The following RABEP1 variants were observed in gnomAD, a reference collection of about 807,000 sequenced individuals.
The protein encoded by RABEP1 is rab GTPase-binding effector protein 1.
Under a neutral mutation model 123.4 loss-of-function variants are expected in RABEP1, and 51 were observed. The observed-to-expected ratio is 0.41, with a 90% CI of 0.33 to 0.52. The LOEUF is 0.52. Ranked by LOEUF, RABEP1 falls within the 20% of genes least tolerant of loss-of-function variation. RABEP1 has a pLI of 0.16. For missense variants in RABEP1, 888 were observed against 996.3 expected (o/e 0.89, Z 1.46); for synonymous variants, 347 against 355.2 (o/e 0.98, Z 0.26).
chr17:5,382,862 G>A (rs1458562064), intron 17 of RABEP1, among the ~76,000 whole-genome samples: 1 of 151,772 alleles, frequency 6.6e-6, no homozygotes, highest in Non-Finnish European at 1.5e-5. Context: ...GGAGACTACA[G>A]TGAGCCGAGA....
intron 13 of RABEP1, among the ~76,000 whole-genome samples, chr17:5,374,831 A>G (rs949915808): frequency 6.6e-6 from 1 of 152,020 alleles, no homozygotes; most frequent in East Asian, 1.9e-4. Context: ...TTTAGTAGAG[A>G]TGGGGTTTCA....
intron 1 of RABEP1, among the ~76,000 whole-genome samples, chr17:5,291,387 G>T (rs887747906): frequency 6.6e-6 from 1 of 152,108 alleles, no homozygotes; most frequent in Non-Finnish European, 1.5e-5. Flanking sequence ...ACTCCAGCCC[G>T]GGCGACAGTG....
intron 4 of RABEP1, among the ~76,000 whole-genome samples, chr17:5,336,946 C>G (rs1180603284): frequency 1.3e-5 from 2 of 152,156 alleles, no homozygotes; most frequent in Admixed American, 6.5e-5. Context: ...CTATCGTGCA[C>G]AACTTAGTAT....
chr17:5,343,193 G>A (rs758128224), intron 5 of RABEP1, among the ~76,000 whole-genome samples: 1 of 152,048 alleles, frequency 6.6e-6, no homozygotes, highest in Non-Finnish European at 1.5e-5. Context: ...CGGAGGTTGC[G>A]GGGAGCCAAG....
intron 5 of RABEP1, among the ~76,000 whole-genome samples, chr17:5,340,430 A>G (rs959396776): frequency 2.0e-5 from 3 of 152,286 alleles, no homozygotes; most frequent in East Asian, 3.9e-4. Context: ...ATTAATACCT[A>G]TAAACCTTTA....
intron 1 of RABEP1, among the ~76,000 whole-genome samples, chr17:5,293,437 A>G (rs1397158307): frequency 1.3e-5 from 2 of 151,526 alleles, no homozygotes; most frequent in African/African-American, 4.9e-5. Context: ...TTTTGGGGTA[A>G]TTTATTTTTT....
At chr17:5,355,656 G>A (rs1331631539) in intron 8 of RABEP1, among the ~76,000 whole-genome samples, 1 of 151,978 alleles carries the variant, frequency 6.6e-6, no homozygotes, top group African/African-American at 2.4e-5. Flanking sequence ...TTACTTTCAG[G>A]GGTATCATGT....
intron 2 of RABEP1, among the ~76,000 whole-genome samples, chr17:5,311,713 A>AC (rs2075243935): frequency 6.6e-6 from 1 of 151,220 alleles, no homozygotes; most frequent in Non-Finnish European, 1.5e-5. Context: ...AAAAAAAAAA[A>AC]AAAAAAACAG....
intron 17 of RABEP1, 121 bp downstream of exon 17, chr17:5,381,626 C>T (rs756410139): frequency 7.0e-7 from 1 of 1,432,660 alleles, no homozygotes; most frequent in Non-Finnish European, 9.2e-7. Context: ...GCTCCTACCT[C>T]CACCCCAAAT....
intron 1 of RABEP1, among the ~76,000 whole-genome samples, chr17:5,284,990 T>A (rs998516201): frequency 1.5e-4 from 23 of 151,776 alleles, no homozygotes; most frequent in African/African-American, 3.6e-4. Flanking sequence ...AAAAAAAAAA[T>A]ATTGTCTGTT....
intron 2 of RABEP1, among the ~76,000 whole-genome samples, chr17:5,323,613 TACAC>T (rs1905604161): frequency 6.6e-6 from 1 of 150,596 alleles, no homozygotes; most frequent in African/African-American, 2.4e-5. Flanking sequence ...AACACACACA[TACAC>T]ACACAACACA....
At chr17:5,359,188 C>T (rs930876162) in intron 8 of RABEP1, among the ~76,000 whole-genome samples, 1 of 152,076 alleles carries the variant, frequency 6.6e-6, no homozygotes, top group African/African-American at 2.4e-5. Context: ...ATTCTCCTTC[C>T]TCAGCCTCCC....
rs1471601445 is a variant in RABEP1, at chr17:5,386,193, G to C, written c.*2970G>C. ...TGGTGTTCAGTTCAGGTGTGAGTCA[G>C]CTCCTGGTGGTGTCAGAAGTTTACA... On this transcript the variant is annotated 3_prime_UTR_variant, in exon 18 of 18. Transcript: ENST00000537505. 7.5e-6 allele frequency: 12 copies of C among 1,607,960 alleles called. No homozygotes were observed. Among genetic ancestry groups the C allele is most frequent in the Non-Finnish European group, 1.0e-5 (12 of 1,175,578 alleles).
In RABEP1 at chr17:5,320,976, A is replaced by C. The variant is rs553500441; in HGVS notation, c.164-10973A>C. Among the ~76,000 whole-genome samples, 75 of 152,306 alleles carry C rather than the reference A, an allele frequency of 4.9e-4. 1 individual carries two copies. The South Asian group carries it at 0.015, about 31-fold the overall frequency. ...TCCAATTTAAAGCCTGAGTGGCTGAATGGTTAAAGAAACAAGCCCCAACTA... is the reference window on the plus strand; with the variant it reads ...TCCAATTTAAAGCCTGAGTGGCTGACTGGTTAAAGAAACAAGCCCCAACTA... On this transcript the variant is annotated intron_variant, in intron 2 of 17. Transcript: ENST00000537505.
intron 2 of RABEP1, among the ~76,000 whole-genome samples, chr17:5,318,288 A>T (rs928589670): frequency 6.6e-6 from 1 of 152,208 alleles, no homozygotes; most frequent in Admixed American, 6.5e-5. Context: ...CCAGGTAGAT[A>T]GTGTCAGAAT....
At chr17:5,348,073 G>A (rs1300850654) in intron 6 of RABEP1, among the ~76,000 whole-genome samples, 1 of 152,082 alleles carries the variant, frequency 6.6e-6, no homozygotes, top group Non-Finnish European at 1.5e-5. Context: ...CACCTCCTGG[G>A]TTCAAGTGAT....
intron 1 of RABEP1, among the ~76,000 whole-genome samples, chr17:5,284,867 C>T (rs1177041022): frequency 1.3e-5 from 2 of 149,422 alleles, no homozygotes; most frequent in East Asian, 2.0e-4. Flanking sequence ...AAAAAAAAAT[C>T]GCCAGAATTC....
chr17:5,290,549 T>G (rs1048307319), intron 1 of RABEP1, among the ~76,000 whole-genome samples: 26 of 152,114 alleles, frequency 1.7e-4, no homozygotes, highest in African/African-American at 6.3e-4. Flanking sequence ...TCTTTACAAT[T>G]AAGATAAATT....
chr17:5,367,243 G>GACAC (rs987633612), intron 11 of RABEP1, among the ~76,000 whole-genome samples: 1 of 123,168 alleles, frequency 8.1e-6, no homozygotes, highest in Non-Finnish European at 1.7e-5. Context: ...CTAGAACTTA[G>GACAC]ATACACACAC....
Sources: allele counts gnomAD v4.1 joint callset (sites outside exome capture counted in the v4.1 genomes callset), GRCh38; gene constraint gnomAD v4.1.1; transcripts MANE v1.5; gene names NCBI Gene and HGNC (gene_info 2026-07-23, HGNC 2026-07-21).